The following MDN1 variants were observed in gnomAD, a reference collection of about 807,000 sequenced individuals.
MDN1 encodes the protein midasin AAA ATPase 1.
In MDN1, 266 loss-of-function variants were observed where a neutral mutation model predicts 669.2. The ratio of observed to expected loss-of-function variants is 0.40; its 90% CI spans 0.36 to 0.44. MDN1 has a LOEUF of 0.44. MDN1 is among the 20% of genes least tolerant of loss of function. MDN1 has a pLI of 1.00. For synonymous variants in MDN1, 2,385 were observed against 2,457.1 expected, an observed-to-expected ratio of 0.97 and a Z score of 0.87; for missense variants, 5,940 against 6,754.0, an observed-to-expected ratio of 0.88 and a Z score of 4.22.
chr6:89,696,155 A>C (rs1211677055), intron 60 of MDN1, among the ~76,000 whole-genome samples, 163 bp from the exon 61 acceptor site: 1 of 152,084 alleles, frequency 6.6e-6, no homozygotes, highest in Non-Finnish European at 1.5e-5. Context: ...TACTAAGTTC[A>C]CCCTCTTGAT....
intron 2 of MDN1, among the ~76,000 whole-genome samples, chr6:89,799,423 G>A (rs559363953): frequency 2.0e-5 from 3 of 152,216 alleles, no homozygotes; most frequent in South Asian, 2.1e-4. Context: ...AGTGGCTCAC[G>A]CCTGCAATCC....
intron 88 of MDN1, among the ~76,000 whole-genome samples, chr6:89,660,754 A>G (rs72913958): frequency 0.14 from 21,493 of 152,120 alleles, 1,766 homozygotes; most frequent in South Asian, 0.18. Flanking sequence ...AAATATACAT[A>G]TACATTTTTT....
At chr6:89,723,215 G>A (rs1175523335) in intron 39 of MDN1, 72 bp from the exon 40 acceptor site, 3 of 1,418,884 alleles carry the variant, frequency 2.1e-6, no homozygotes, top group South Asian at 1.3e-5. Flanking sequence ...TACTAGGAAT[G>A]TACTACAAAA....
intron 22 of MDN1, among the ~76,000 whole-genome samples, chr6:89,753,175 T>C (rs1817045714): frequency 6.6e-6 from 1 of 151,918 alleles, no homozygotes; most frequent in South Asian, 2.1e-4. Flanking sequence ...TATAAGACAG[T>C]CCCACTTACA....
At chr6:89,644,457 G>C (rs1386733680) in intron 101 of MDN1, among the ~76,000 whole-genome samples, 6 of 152,114 alleles carry the variant, frequency 3.9e-5, no homozygotes, top group Non-Finnish European at 7.3e-5. Context: ...TCCCTACAGT[G>C]GTGTCTCCCC....
intron 99 of MDN1, among the ~76,000 whole-genome samples, chr6:89,646,938 A>G (rs373575159): frequency 6.6e-5 from 10 of 152,140 alleles, no homozygotes; most frequent in African/African-American, 2.2e-4. Context: ...GGTATGTGCC[A>G]CCACACCTGG....
At position 89,769,972 on chromosome 6, in the gene MDN1, C is replaced by T. The variant is rs550545954; in HGVS notation, c.2144+1589G>A. ...AATAGACCAGGCCTGGTGGCTTATGCCTGTAGTCCCAGCTACTGGGTAGGC... is the reference window on the plus strand; with the variant it reads ...AATAGACCAGGCCTGGTGGCTTATGTCTGTAGTCCCAGCTACTGGGTAGGC... On this transcript the variant is annotated intron_variant, in intron 15 of 101. Coordinates refer to ENST00000369393, the MANE Select transcript of MDN1 (RefSeq NM_014611.3). Among the ~76,000 whole-genome samples the T allele has an allele frequency of 2.9e-3, 444 of 152,204 alleles. 1 individual carries two copies. Among genetic ancestry groups the T allele is most frequent in the African/African-American group, 0.01 (420 of 41,544 alleles).
intron 11 of MDN1, among the ~76,000 whole-genome samples, chr6:89,777,972 C>T (rs1001521637): frequency 4.6e-5 from 7 of 152,118 alleles, no homozygotes; most frequent in African/African-American, 1.7e-4. Flanking sequence ...TTGAAGACTG[C>T]TTTGAGTAAT....
chr6:89,809,994 A>T (rs1047259940), intron 1 of MDN1, among the ~76,000 whole-genome samples: 193 of 10,286 alleles, frequency 0.019, 11 homozygotes, highest in Non-Finnish European at 0.04. Flanking sequence ...CCGTTTCACT[A>T]AAAAAAAAAA....
chr6:89,686,928 A>G lies in MDN1; in HGVS notation c.11546T>C (p.Met3849Thr), dbSNP rs1201675776. 83 of 1,613,336 alleles carry G rather than the reference A, an allele frequency of 5.1e-5. No individual in the cohort carries two copies. Among genetic ancestry groups the G allele is most frequent in the Non-Finnish European group, 6.9e-5 (81 of 1,179,934 alleles). ...FSIYQMLEKH[M>T]QEQTEEQEDD... ...TTCCTGTTCTTCTGTTTGTTCCTGC[A>G]TGTGCTTCTCAAGCATCTGATAGAT... Residue 3849 changes from methionine to threonine, a missense_variant, in exon 69 of 102, where the codon ATG (methionine) becomes ACG (threonine). Coordinates refer to ENST00000369393, the MANE Select transcript of MDN1 (RefSeq NM_014611.3).
At position 89,788,061 on chromosome 6, in the gene MDN1, G is replaced by C. The variant is rs1018035436; in HGVS notation, c.1231-104C>G. On this transcript the variant is annotated intron_variant, in intron 7 of 101. Transcript: ENST00000369393. Reference sequence around the variant, plus strand: ...CAAAATGACAGACACACCCTTAAAGGAAACGTCAGCTCTCATAGTCCAAAC... The same window carrying C: ...CAAAATGACAGACACACCCTTAAAGCAAACGTCAGCTCTCATAGTCCAAAC... The C allele has an allele frequency of 4.0e-6, 4 of 994,822 alleles. No individual in the cohort carries two copies. In the East Asian group the frequency reaches 7.8e-5, roughly 19 times the overall value. 61.6% of individuals were successfully genotyped at this position (994,822 alleles called of 1,614,324 possible).
intron 78 of MDN1, 188 bp downstream of exon 78, chr6:89,675,276 G>A (rs45461498): frequency 0.085 from 48,354 of 569,502 alleles, 2,712 homozygotes; most frequent in Non-Finnish European, 0.11. Flanking sequence ...GAGGGAGAGG[G>A]ACACTAGAGG....
At chr6:89,781,651 C>G in intron 9 of MDN1, 59 bp from the exon 10 acceptor site, 1 of 1,431,566 alleles carries the variant, frequency 7.0e-7, no homozygotes, top group Non-Finnish European at 9.5e-7. Flanking sequence ...TTTGAAAGCA[C>G]ACAAACTACT....
chr6:89,715,685 G>A lies in MDN1; in HGVS notation c.6828C>T (p.Ser2276=), dbSNP rs1366868283. 20 of 1,612,454 alleles carry A rather than the reference G, an allele frequency of 1.2e-5. No individual in the cohort carries two copies. Among genetic ancestry groups the A allele is most frequent in the Middle Eastern group, 1.6e-4 (1 of 6,062 alleles). ...TISERGMIDG[S]TPTITPNPNF... ...TGGGATTTGGTGTTATCGTGGGAGT[G>A]GATCCATCTATCATTCCTCTCTCAC... The change falls in exon 45 of 102, where the codon TCC becomes TCT. Residue 2276 remains serine (S), a synonymous_variant. Transcript: ENST00000369393.
rs993585982 is a variant in MDN1 at position 89,797,460 on chromosome 6, G to T, written c.330-2659C>A. 7 of 187,300 alleles carry T rather than the reference G, an allele frequency of 3.7e-5. No individual in the cohort carries two copies. In the South Asian group the frequency reaches 6.2e-4, roughly 17 times the overall value. The allele number at this position is 187,300 out of a possible 1,614,324, so 11.6% of individuals were successfully genotyped here. A position where few individuals can be genotyped will look rare whatever the true frequency, so the allele number is the denominator to read the frequency against. On this transcript the variant is annotated intron_variant, in intron 2 of 101. Coordinates refer to ENST00000369393, the MANE Select transcript of MDN1 (RefSeq NM_014611.3). ...TGTAGCGGGTTCTGTTCTTGTGGTC[G>T]GCGGCTGTGTTGCTCTCTGATAAAG... is the stretch of plus-strand genomic sequence containing the variant.
chr6:89,729,188 C>T (rs1584278083), intron 35 of MDN1, 49 bp from the exon 36 acceptor site: 1 of 1,428,434 alleles, frequency 7.0e-7, no homozygotes, highest in East Asian at 2.3e-5. Context: ...ATCATCAAAT[C>T]ACATGTATGC....
chr6:89,812,079 G>A (rs1768456743), intron 1 of MDN1, among the ~76,000 whole-genome samples: 4 of 151,194 alleles, frequency 2.6e-5, no homozygotes, highest in East Asian at 2.0e-4. Flanking sequence ...TCCGCCTTCC[G>A]GGTTCAAGCA....
Position 89,815,385 on chromosome 6 carries a change from T to G in MDN1, c.102+4121A>C, listed in dbSNP as rs150187299. The G allele has an allele frequency of 7.1e-4, 299 of 421,384 alleles. 1 individual carries two copies. Among genetic ancestry groups the G allele is most frequent in the African/African-American group, 5.5e-3 (265 of 48,570 alleles). The allele number at this position is 421,384 out of a possible 1,614,324, so 26.1% of individuals were successfully genotyped here. Reference sequence around the variant, plus strand: ...GTGAAATGACACTCTCATTCATGACTGAGGAAGTGCCCTGCAGGAAACAAG... The same window carrying G: ...GTGAAATGACACTCTCATTCATGACGGAGGAAGTGCCCTGCAGGAAACAAG... On this transcript the variant is annotated intron_variant, in intron 1 of 101. Coordinates refer to ENST00000369393, the MANE Select transcript of MDN1 (RefSeq NM_014611.3).
At chr6:89,710,288 G>A (rs963350453) in intron 50 of MDN1, among the ~76,000 whole-genome samples, 4 of 152,114 alleles carry the variant, frequency 2.6e-5, no homozygotes, top group African/African-American at 7.2e-5. Context: ...TTGTGGCAGA[G>A]TTGGTACCAG....
Sources: allele counts gnomAD v4.1 joint callset (sites outside exome capture counted in the v4.1 genomes callset), GRCh38; gene constraint gnomAD v4.1.1; transcripts MANE v1.5; gene names NCBI Gene and HGNC (gene_info 2026-07-23, HGNC 2026-07-21).